Variants in TMEM132D observed in about 807,000 individuals in gnomAD.
TMEM132D encodes the protein transmembrane protein 132D, also known as mature OL transmembrane protein.
In TMEM132D, 21 loss-of-function variants were observed where a neutral mutation model predicts 62.3. The ratio of observed to expected loss-of-function variants is 0.34; its 90% CI spans 0.24 to 0.49. The LOEUF (loss-of-function observed/expected upper bound fraction) is 0.49, where lower values mean the gene tolerates loss of function less well. Among genes scored for constraint, TMEM132D ranks in the 20% least tolerant of loss-of-function variants. The pLI, the probability that TMEM132D is intolerant of heterozygous loss-of-function variation, is 0.99. For missense variants in TMEM132D, 1,346 were observed against 1,402.8 expected, an observed-to-expected ratio of 0.96 and a Z score of 0.65; for synonymous variants, 621 against 575.6, an observed-to-expected ratio of 1.08 and a Z score of -1.13.
chr12:129,077,639 C>G (rs1300958232), intron 8 of TMEM132D, among the ~76,000 whole-genome samples: 1 of 151,628 alleles, frequency 6.6e-6, no homozygotes, highest in Non-Finnish European at 1.5e-5. Flanking sequence ...ACACAAGACA[C>G]ACATGCATAC....
chr12:129,465,064 T>C (rs1193870350), intron 3 of TMEM132D, among the ~76,000 whole-genome samples: 1 of 152,090 alleles, frequency 6.6e-6, no homozygotes, highest in Admixed American at 6.5e-5. Flanking sequence ...CCTTGGGCAG[T>C]ATGGGCATTT....
At chr12:129,503,817 T>C (rs1388140191) in intron 3 of TMEM132D, among the ~76,000 whole-genome samples, 1 of 152,160 alleles carries the variant, frequency 6.6e-6, no homozygotes, top group East Asian at 1.9e-4. Flanking sequence ...ATCTAATAAT[T>C]ATTTCTTCAT....
chr12:129,602,956 T>G (rs1005282016), intron 2 of TMEM132D, among the ~76,000 whole-genome samples: 1 of 152,146 alleles, frequency 6.6e-6, no homozygotes, highest in Non-Finnish European at 1.5e-5. Flanking sequence ...CCATTAGATC[T>G]TGTGATAACT....
chr12:129,336,995 G>A (rs185180218), intron 4 of TMEM132D, among the ~76,000 whole-genome samples: 6 of 152,216 alleles, frequency 3.9e-5, no homozygotes, highest in South Asian at 2.1e-4. Context: ...GAGGCCCAGC[G>A]CCTCTCAAAT....
chr12:129,836,545 TGA>T (rs772915856), intron 1 of TMEM132D, among the ~76,000 whole-genome samples: 1 of 152,118 alleles, frequency 6.6e-6, no homozygotes, highest in African/African-American at 2.4e-5. Flanking sequence ...CCCCGAATAC[TGA>T]GAGAATGTCA....
At chr12:129,366,218 C>G (rs1396449702) in intron 3 of TMEM132D, among the ~76,000 whole-genome samples, 1 of 151,986 alleles carries the variant, frequency 6.6e-6, no homozygotes, top group Admixed American at 6.6e-5. Context: ...GGTCTGTGTC[C>G]CCGCCCAAAT....
chr12:129,737,096 A>G (rs746991419), intron 1 of TMEM132D, among the ~76,000 whole-genome samples: 4 of 152,146 alleles, frequency 2.6e-5, no homozygotes, highest in Non-Finnish European at 4.4e-5. Context: ...GATTACAGGC[A>G]TGAGCCACCG....
chr12:129,832,599 C>A (rs1030904836), intron 1 of TMEM132D, among the ~76,000 whole-genome samples: 1 of 151,998 alleles, frequency 6.6e-6, no homozygotes, highest in Non-Finnish European at 1.5e-5. Context: ...TTTGTGGCTT[C>A]TGCAGCACTA....
At chr12:129,484,748 T>C (rs1198605112) in intron 3 of TMEM132D, among the ~76,000 whole-genome samples, 1 of 152,222 alleles carries the variant, frequency 6.6e-6, no homozygotes, top group African/African-American at 2.4e-5. Context: ...ACTTAAAAGA[T>C]TATTAACTAA....
At chr12:129,278,958 G>A (rs1881068314) in intron 4 of TMEM132D, among the ~76,000 whole-genome samples, 2 of 152,202 alleles carry the variant, frequency 1.3e-5, no homozygotes, top group South Asian at 4.1e-4. Context: ...TATAAGGACT[G>A]AGTGGAGGTG....
intron 2 of TMEM132D, among the ~76,000 whole-genome samples, chr12:129,634,876 T>A (rs1296011659): frequency 6.6e-6 from 1 of 152,186 alleles, no homozygotes; most frequent in Non-Finnish European, 1.5e-5. Context: ...TAAGCTACTA[T>A]TCTCTGTTTC....
chr12:129,685,061 A>G (rs1880874068), intron 2 of TMEM132D, among the ~76,000 whole-genome samples: 1 of 152,232 alleles, frequency 6.6e-6, no homozygotes, highest in African/African-American at 2.4e-5. Context: ...TTTAAAGGGA[A>G]ACAGCATAAA....
chr12:129,199,330 G>A (rs997816045), intron 5 of TMEM132D, among the ~76,000 whole-genome samples: 6 of 152,062 alleles, frequency 3.9e-5, no homozygotes, highest in Admixed American at 6.6e-5. Flanking sequence ...TCGAACTCCT[G>A]AGCTCATGTG....
rs1874397078 is a variant in TMEM132D, at chr12:129,480,521, G to C, written c.1115+50538C>G. Among the ~76,000 whole-genome samples the C allele has an allele frequency of 2.0e-5, 3 of 152,202 alleles. No homozygotes were observed. In the South Asian group the frequency reaches 6.2e-4, roughly 32 times the overall value. ...TCTGTGAATGAGCAAAATCATCAAA[G>C]TGCTCCGGGTAGAGCTTTGCAGCAA... On this transcript the variant is annotated intron_variant, in intron 3 of 8. Transcript: ENST00000422113.
intron 3 of TMEM132D, among the ~76,000 whole-genome samples, chr12:129,379,903 A>G (rs1870890145): frequency 6.6e-6 from 1 of 152,234 alleles, no homozygotes; most frequent in African/African-American, 2.4e-5. Context: ...TGTGATTCAG[A>G]AAAGTTATAC....
Position 129,206,959 on chromosome 12 carries a change from TG to T in TMEM132D, c.1443+2560del, listed in dbSNP as rs1227277991. Among the ~76,000 whole-genome samples, 5 of 151,972 alleles carry T rather than the reference TG, an allele frequency of 3.3e-5. No individual in the cohort carries two copies. The East Asian group carries it at 9.7e-4, about 30-fold the overall frequency. ...CTGGGGTCTATGGAAGGCTGGAGGG[TG>T]GGAAGGGGAGAGGATCAGAGAAAAA... On this transcript the variant is annotated intron_variant, in intron 5 of 8. Transcript: ENST00000422113.
intron 4 of TMEM132D, among the ~76,000 whole-genome samples, chr12:129,241,000 C>T (rs1000821090): frequency 6.6e-6 from 1 of 152,044 alleles, no homozygotes; most frequent in Non-Finnish European, 1.5e-5. Context: ...CCCACAAACT[C>T]CCTCATTCAT....
chr12:129,523,251 G>A (rs28457755), intron 3 of TMEM132D, among the ~76,000 whole-genome samples: 93,943 of 152,050 alleles, frequency 0.62, 29,371 homozygotes, highest in Non-Finnish European at 0.63. Context: ...AGGTGTTTTT[G>A]GTAGTTCCAT....
intron 5 of TMEM132D, among the ~76,000 whole-genome samples, chr12:129,107,439 C>T (rs887038511): frequency 3.9e-5 from 6 of 152,174 alleles, no homozygotes; most frequent in African/African-American, 9.7e-5. Flanking sequence ...AGCATGACCA[C>T]GTGAGAAAAC....
Sources: gnomAD v4.1 joint callset for allele counts (sites outside exome capture counted in the v4.1 genomes callset) on GRCh38, gnomAD v4.1.1 for gene constraint, MANE v1.5 for transcripts, NCBI Gene and HGNC (gene_info 2026-07-23, HGNC 2026-07-21) for gene names.